Variants in ITGAD observed in about 807,000 individuals in gnomAD.
The protein encoded by ITGAD is integrin alpha-D.
A neutral mutation model predicts 139.0 loss-of-function variants in ITGAD; 105 were observed. That is an observed-to-expected ratio of 0.76 (90% CI 0.65 to 0.89). The LOEUF (loss-of-function observed/expected upper bound fraction) is 0.89, where lower values mean the gene tolerates loss of function less well. Among genes scored for constraint, ITGAD ranks in the 40% least tolerant of loss-of-function variants. The pLI, the probability that ITGAD is intolerant of heterozygous loss-of-function variation, is 0.00. For synonymous variants in ITGAD, 569 were observed against 598.3 expected, an observed-to-expected ratio of 0.95 and a Z score of 0.71; for missense variants, 1,384 against 1,487.3, an observed-to-expected ratio of 0.93 and a Z score of 1.14.
intron 9 of ITGAD, 80 bp from the exon 10 acceptor site, chr16:31,408,345 G>A: frequency 1.6e-6 from 2 of 1,243,374 alleles, no homozygotes; most frequent in Admixed American, 1.7e-5. Flanking sequence ...CCAAGCCTCA[G>A]ATCATGTTCT....
At chr16:31,397,536 A>G (rs2081296877) in intron 3 of ITGAD, 60 bp from the exon 4 acceptor site, 5 of 1,596,492 alleles carry the variant, frequency 3.1e-6, no homozygotes, top group Non-Finnish European at 4.3e-6. Context: ...CTTCCAGTCC[A>G]GACCTTCCCC....
At chr16:31,424,630 T>G (rs557816599) in intron 29 of ITGAD, 53 bp downstream of exon 29, 7 of 1,235,918 alleles carry the variant, frequency 5.7e-6, no homozygotes, top group Non-Finnish European at 6.8e-6. Context: ...GAGTTTCCAC[T>G]CTTACTGCCC....
At chr16:31,395,564 G>A (rs943104860) in intron 2 of ITGAD, among the ~76,000 whole-genome samples, 7 of 152,256 alleles carry the variant, frequency 4.6e-5, no homozygotes, top group East Asian at 3.9e-4. Flanking sequence ...AATAAAAAAC[G>A]TCAGGACAGG....
rs1296716859 is a variant in ITGAD at position 31,416,297 on chromosome 16, A to C, written c.2357+11A>C. On this transcript the variant is annotated intron_variant, in intron 19 of 29. Coordinates refer to ENST00000389202, the MANE Select transcript of ITGAD (RefSeq NM_005353.3). ...CCTCAGCTTCTCAGGGTGAGCTGTA[A>C]CTCCCTTCATATCCAGACACTCAGG... 1 of 1,593,202 alleles carries C rather than the reference A, an allele frequency of 6.3e-7. No individual in the cohort carries two copies. Among genetic ancestry groups the C allele is most frequent in the Admixed American group, 1.7e-5 (1 of 58,758 alleles).
At chr16:31,404,904 A>C in intron 7 of ITGAD, among the ~76,000 whole-genome samples, 2 of 136,626 alleles carry the variant, frequency 1.5e-5, no homozygotes, top group African/African-American at 2.8e-5. Context: ...TTCTTCTCTC[A>C]CTCTGTTTTG....
At chr16:31,413,395 T>G in intron 16 of ITGAD, 149 bp downstream of exon 16, 7 of 821,078 alleles carry the variant, frequency 8.5e-6, no homozygotes, top group African/African-American at 1.7e-5. Context: ...CTCTCCCCTC[T>G]TCCTCACACC....
At position 31,394,240 on chromosome 16, in the gene ITGAD, G is replaced by C; in HGVS notation, c.36G>C (p.Leu12=). The C allele has an allele frequency of 6.2e-7, 1 of 1,612,274 alleles. No individual in the cohort carries two copies. The highest frequency in any genetic ancestry group is 1.7e-4 in the Middle Eastern group (1 of 6,060). Residue 12 remains leucine (L), a synonymous_variant, in exon 2 of 30, where the codon CTG becomes CTC. Transcript: ENST00000389202. ...CGCCCACCAAATATTCCTCAGTCCT[G>C]GCTTCTTATCATGGATTCAACCTGG... ...TFGTVLLLSV[L]ASYHGFNLDV...
At chr16:31,409,387 G>T (rs1486587425) in intron 10 of ITGAD, among the ~76,000 whole-genome samples, 1 of 151,936 alleles carries the variant, frequency 6.6e-6, no homozygotes, top group African/African-American at 2.4e-5. Flanking sequence ...GAGTAATTTG[G>T]GGGTGTCTAG....
intron 7 of ITGAD, chr16:31,404,540 G>A (rs1000180487): frequency 6.6e-6 from 1 of 152,292 alleles, no homozygotes; most frequent in Non-Finnish European, 1.5e-5. Context: ...TGTCCTGTAA[G>A]TTTAAAGTCA....
At chr16:31,417,987 C>T (rs2081931260) in intron 20 of ITGAD, 88 bp from the exon 21 acceptor site, 1 of 989,612 alleles carries the variant, frequency 1.0e-6, no homozygotes, top group East Asian at 2.4e-5. Flanking sequence ...CTGTCATTTT[C>T]CCTAGTGCTC....
intron 18 of ITGAD, among the ~76,000 whole-genome samples, chr16:31,415,360 C>G (rs2081858191): frequency 6.6e-6 from 1 of 152,192 alleles, no homozygotes; most frequent in Non-Finnish European, 1.5e-5. Context: ...TGCGTAATCC[C>G]CCTTGCATTT....
chr16:31,420,566 TTTTGTTTG>T lies in ITGAD; in HGVS notation c.2780+2018_2780+2025del, dbSNP rs528442113. Among the ~76,000 whole-genome samples, 340 of 151,932 alleles carry T rather than the reference TTTTGTTTG, an allele frequency of 2.2e-3. 1 individual carries two copies. Among genetic ancestry groups the T allele is most frequent in the African/African-American group, 7.3e-3 (304 of 41,414 alleles). ...CATGCACAACCACATCTAGCTAATT[TTTTGTTTG>T]TTTGTTTGTTTGTTTTTGAGATGGA... On this transcript the variant is annotated intron_variant, in intron 23 of 29. Coordinates refer to ENST00000389202, the MANE Select transcript of ITGAD (RefSeq NM_005353.3).
intron 5 of ITGAD, 59 bp from the exon 6 acceptor site, chr16:31,402,056 C>T (rs2081419061): frequency 5.1e-6 from 8 of 1,575,148 alleles, no homozygotes; most frequent in Non-Finnish European, 6.9e-6. Context: ...TGAGCAGGAG[C>T]TGCAGGAGGG....
At chr16:31,413,989 T>C (rs921829142) in intron 16 of ITGAD, among the ~76,000 whole-genome samples, 1 of 152,208 alleles carries the variant, frequency 6.6e-6, no homozygotes, top group Non-Finnish European at 1.5e-5. Flanking sequence ...CTTTCTTAGA[T>C]TGTGAGGTTC....
chr16:31,410,327 G>T, intron 10 of ITGAD, 68 bp from the exon 11 acceptor site: 1 of 1,601,606 alleles, frequency 6.2e-7, no homozygotes. Flanking sequence ...CGGGTGGCAG[G>T]CGTGTCTCTG....
At position 31,413,251 on chromosome 16, in the gene ITGAD, G is replaced by A; in HGVS notation, c.1996+5G>A. 1 of 1,613,718 alleles carries A rather than the reference G, an allele frequency of 6.2e-7. No individual in the cohort carries two copies. The highest frequency in any genetic ancestry group is 8.5e-7 in the Non-Finnish European group (1 of 1,179,842). ...AAAGCTCACTGGACCAGCTAGGTGT[G>A]TTTCCCCCATAAAGGGGGCCCAGGC... On this transcript the variant is annotated splice_donor_5th_base_variant and intron_variant, in intron 16 of 29. Transcript: ENST00000389202.
At position 31,406,601 on chromosome 16, in the gene ITGAD, T is replaced by C. The variant is rs182313434; in HGVS notation, c.705-914T>C. Among the ~76,000 whole-genome samples the C allele has an allele frequency of 1.6e-3, 250 of 152,246 alleles. 9 individuals are homozygous for C. Among genetic ancestry groups the C allele is most frequent in the Admixed American group, 0.015 (225 of 15,288 alleles). The stretch of plus-strand genomic sequence containing the variant: ...GGGATATGCTGGAAGGCAGGCTTGG[T>C]GGGGACGGCTGAGCCTCTTATTTCA... On this transcript the variant is annotated intron_variant, in intron 7 of 29. Transcript: ENST00000389202.
intron 10 of ITGAD, among the ~76,000 whole-genome samples, chr16:31,409,165 C>T (rs2081614467): frequency 6.6e-6 from 1 of 152,084 alleles, no homozygotes; most frequent in African/African-American, 2.4e-5. Flanking sequence ...TGTGGTGGCT[C>T]ATGCCTGTAA....
chr16:31,414,560 C>A lies in ITGAD; in HGVS notation c.2106C>A (p.Thr702=). 6.2e-7 allele frequency: 1 copy of A among 1,614,154 alleles called. No homozygotes were observed. The highest frequency in any genetic ancestry group is 2.2e-5 in the East Asian group (1 of 44,890). ...TKNPTLTRRK[T]LGLGIHCETL... Reference sequence around the variant, plus strand: ...ACCCCACTTTGACTCGAAGAAAAACCCTGGGACTGGGGATTCACTGTGAAA... The same window carrying A: ...ACCCCACTTTGACTCGAAGAAAAACACTGGGACTGGGGATTCACTGTGAAA... The change falls in exon 17 of 30, where the codon ACC becomes ACA. Residue 702 remains threonine, a synonymous_variant. Transcript: ENST00000389202.
Sources: allele counts gnomAD v4.1 joint callset (sites outside exome capture counted in the v4.1 genomes callset), GRCh38; gene constraint gnomAD v4.1.1; transcripts MANE v1.5; gene names NCBI Gene and HGNC (gene_info 2026-07-23, HGNC 2026-07-21).